TASP1: variants seen among roughly 807,000 people sequenced by gnomAD.
TASP1 encodes the protein threonine aspartase 1.
In TASP1, 16 loss-of-function variants were observed where a neutral mutation model predicts 56.6. That is an observed-to-expected ratio of 0.28 (90% confidence interval 0.19 to 0.43). The LOEUF (loss-of-function observed/expected upper bound fraction) is 0.43, where lower values mean the gene tolerates loss of function less well. TASP1 is among the 20% of genes least tolerant of loss of function. TASP1 has a pLI of 1.00. For synonymous variants in TASP1, 179 were observed against 184.2 expected (o/e 0.97, Z 0.23); for missense variants, 393 against 511.6 (o/e 0.77, Z 2.24).
At chr20:13,570,730 G>A (rs1311478565) in intron 6 of TASP1, among the ~76,000 whole-genome samples, 1 of 152,020 alleles carries the variant, frequency 6.6e-6, no homozygotes, top group African/African-American at 2.4e-5. Context: ...AGGATTCTAA[G>A]AATAGAAAAC....
chr20:13,523,419 C>A (rs1485450583), intron 10 of TASP1, among the ~76,000 whole-genome samples: 2 of 152,192 alleles, frequency 1.3e-5, no homozygotes, highest in Non-Finnish European at 2.9e-5. Context: ...CATAACCCCC[C>A]TCTCACAGAG....
At chr20:13,198,842 CTTTCTTTCT>C in the TASP1 span, among the ~76,000 whole-genome samples, 3 of 137,518 alleles carry the variant, frequency 2.2e-5, no homozygotes, top group South Asian at 2.4e-4. Flanking sequence ...TTCTTTCTTT[CTTTCTTTCT>C]TTCTTTCCTT....
At chr20:13,503,671 TG>T (rs1054506225) in intron 10 of TASP1, among the ~76,000 whole-genome samples, 2 of 152,102 alleles carry the variant, frequency 1.3e-5, no homozygotes, top group Non-Finnish European at 2.9e-5. Flanking sequence ...TAATTGTTTT[TG>T]GGAAGCTCAG....
chr20:13,440,858 T>C (rs1048228855), intron 11 of TASP1, among the ~76,000 whole-genome samples: 1 of 152,284 alleles, frequency 6.6e-6, no homozygotes, highest in East Asian at 1.9e-4. Context: ...CCCAGCATCT[T>C]CTGTGCCATG....
At chr20:13,577,041 A>C (rs1042391749) in intron 6 of TASP1, among the ~76,000 whole-genome samples, 3 of 152,184 alleles carry the variant, frequency 2.0e-5, no homozygotes, top group Non-Finnish European at 4.4e-5. Flanking sequence ...AGAGTATTGT[A>C]TATGCTGTAA....
At chr20:13,331,055 G>C in the TASP1 span, among the ~76,000 whole-genome samples, 465 of 152,138 alleles carry the variant, frequency 3.1e-3, 2 homozygotes, top group African/African-American at 0.011. Context: ...CTTTCAGTTT[G>C]TTTTGCTCTT....
the TASP1 span, among the ~76,000 whole-genome samples, chr20:13,139,873 G>A: frequency 2.0e-5 from 3 of 152,152 alleles, no homozygotes; most frequent in Non-Finnish European, 4.4e-5. Flanking sequence ...AAGTCTAAAG[G>A]ACTGAATATG....
chr20:13,229,034 A>C, the TASP1 span, among the ~76,000 whole-genome samples: 4,110 of 151,848 alleles, frequency 0.027, 74 homozygotes, highest in Middle Eastern at 0.034. Context: ...CTTTTCTCCT[A>C]AATTCTATAG....
the TASP1 span, among the ~76,000 whole-genome samples, chr20:13,284,090 G>T: frequency 1.3e-5 from 2 of 152,200 alleles, no homozygotes; most frequent in African/African-American, 2.4e-5. Context: ...CATAAAAAGA[G>T]GATGTTTCCA....
the TASP1 span, among the ~76,000 whole-genome samples, chr20:13,269,305 GT>G: frequency 6.6e-6 from 1 of 152,188 alleles, no homozygotes; most frequent in Non-Finnish European, 1.5e-5. Context: ...AGAAAGGCTG[GT>G]TTGGAAAAGG....
chr20:13,314,809 G>A, the TASP1 span, among the ~76,000 whole-genome samples: 2 of 152,032 alleles, frequency 1.3e-5, no homozygotes, highest in Non-Finnish European at 2.9e-5. Flanking sequence ...ATTCAATTAT[G>A]CACATATCTA....
the TASP1 span, chr20:13,368,553 C>G: frequency 6.6e-6 from 1 of 152,228 alleles, no homozygotes; most frequent in African/African-American, 2.4e-5. Context: ...AATGTCACTT[C>G]TGTCCTGCCA....
At chr20:13,301,470 T>C in the TASP1 span, among the ~76,000 whole-genome samples, 704 of 152,292 alleles carry the variant, frequency 4.6e-3, 4 homozygotes, top group African/African-American at 0.016. Context: ...ATTACAAGCA[T>C]GAAACACCAT....
At chr20:13,573,213 C>G (rs1324440613) in intron 6 of TASP1, among the ~76,000 whole-genome samples, 3 of 152,152 alleles carry the variant, frequency 2.0e-5, no homozygotes, top group Non-Finnish European at 4.4e-5. Context: ...TTGAAATGTT[C>G]TAACATATAC....
chr20:13,427,997 G>A (rs1304917356), intron 12 of TASP1, among the ~76,000 whole-genome samples: 1 of 152,152 alleles, frequency 6.6e-6, no homozygotes, highest in Non-Finnish European at 1.5e-5. Flanking sequence ...TGGATGAACT[G>A]TGGGCCTCAA....
chr20:13,225,059 T>A, the TASP1 span, among the ~76,000 whole-genome samples: 1 of 151,350 alleles, frequency 6.6e-6, no homozygotes, highest in Non-Finnish European at 1.5e-5. Flanking sequence ...TTCACCGTGT[T>A]AGCCAGGATG....
At chr20:13,318,945 G>T in the TASP1 span, among the ~76,000 whole-genome samples, 1 of 152,132 alleles carries the variant, frequency 6.6e-6, no homozygotes, top group Non-Finnish European at 1.5e-5. Flanking sequence ...TACTATAATG[G>T]TTAATACAGG....
intron 8 of TASP1, among the ~76,000 whole-genome samples, chr20:13,553,519 T>C (rs1331210352): frequency 6.6e-6 from 1 of 152,304 alleles, no homozygotes; most frequent in East Asian, 1.9e-4. Context: ...TAGTCATCTT[T>C]TTCTTCTCCA....
chr20:13,571,125 A>G (rs1292859284), intron 6 of TASP1, among the ~76,000 whole-genome samples: 1 of 152,200 alleles, frequency 6.6e-6, no homozygotes, highest in African/African-American at 2.4e-5. Flanking sequence ...AGTAAAATCA[A>G]TTTGCTATTG....
Sources: gnomAD v4.1 joint callset for allele counts (sites outside exome capture counted in the v4.1 genomes callset) on GRCh38, gnomAD v4.1.1 for gene constraint, MANE v1.5 for transcripts, NCBI Gene and HGNC (gene_info 2026-07-23, HGNC 2026-07-21) for gene names.